Variants in PTGFRN observed in about 807,000 individuals in gnomAD.
PTGFRN encodes the protein prostaglandin F2 receptor negative regulator.
Under a neutral mutation model 83.2 loss-of-function variants are expected in PTGFRN, and 35 were observed. The ratio of observed to expected loss-of-function variants is 0.42; its 90% CI spans 0.32 to 0.56. The LOEUF (loss-of-function observed/expected upper bound fraction) is 0.56, where lower values mean the gene tolerates loss of function less well. PTGFRN is among the 20% of genes least tolerant of loss of function. The probability of loss-of-function intolerance (pLI) is 0.11; values close to 1 mark genes in which losing one functional copy is unlikely to be tolerated. For missense variants in PTGFRN, 1,051 were observed against 1,179.5 expected (o/e 0.89, Z 1.60); for synonymous variants, 519 against 498.6 (o/e 1.04, Z -0.55).
intron 6 of PTGFRN, among the ~76,000 whole-genome samples, chr1:116,970,060 C>G (rs367645611): frequency 6.6e-6 from 1 of 152,148 alleles, no homozygotes; most frequent in East Asian, 1.9e-4. Context: ...AGTTTTACTT[C>G]TCTCTTCCAA....
intron 5 of PTGFRN, among the ~76,000 whole-genome samples, chr1:116,964,027 G>A (rs973084927): frequency 6.6e-6 from 1 of 151,858 alleles, no homozygotes; most frequent in Non-Finnish European, 1.5e-5. Flanking sequence ...CGATCCTCCT[G>A]CCTTAGTCGC....
In PTGFRN at chr1:116,934,149, GT is replaced by G. The variant is rs539073564; in HGVS notation, c.50-7562del. Among the ~76,000 whole-genome samples, 646 of 151,852 alleles carry G rather than the reference GT, an allele frequency of 4.3e-3. 7 individuals are homozygous for G. Among genetic ancestry groups the G allele is most frequent in the African/African-American group, 0.015 (621 of 41,446 alleles). ...TTTATTTTGTTTTGTTTTTGTGATT[GT>G]TTTGTTTTTTTTTGAGACAGGGTCT... On this transcript the variant is annotated intron_variant, in intron 1 of 8. Coordinates refer to ENST00000393203, the MANE Select transcript of PTGFRN (RefSeq NM_020440.4).
chr1:116,949,813 T>C (rs919147756), intron 4 of PTGFRN, among the ~76,000 whole-genome samples: 3 of 152,212 alleles, frequency 2.0e-5, no homozygotes, highest in Non-Finnish European at 4.4e-5. Context: ...GAGTATATAG[T>C]TTCCTTTTGT....
At chr1:116,920,895 A>G (rs1649518914) in intron 1 of PTGFRN, among the ~76,000 whole-genome samples, 1 of 152,194 alleles carries the variant, frequency 6.6e-6, no homozygotes, top group African/African-American at 2.4e-5. Context: ...AAGTGCTGGG[A>G]TTACAGGTGT....
intron 7 of PTGFRN, among the ~76,000 whole-genome samples, chr1:116,974,660 A>G (rs1458307087): frequency 6.6e-6 from 1 of 152,130 alleles, no homozygotes; most frequent in Admixed American, 6.5e-5. Context: ...ATTCATTCAG[A>G]TATTTATTGA....
intron 4 of PTGFRN, among the ~76,000 whole-genome samples, chr1:116,955,788 C>T (rs10923180): frequency 0.58 from 88,401 of 152,022 alleles, 26,346 homozygotes; most frequent in Admixed American, 0.67. Context: ...ATCAAGGTGG[C>T]AGTCCCTGGC....
At chr1:116,943,505 A>C (rs1650109847) in intron 2 of PTGFRN, among the ~76,000 whole-genome samples, 1 of 152,180 alleles carries the variant, frequency 6.6e-6, no homozygotes, top group Non-Finnish European at 1.5e-5. Flanking sequence ...TTCTTGGGTG[A>C]GGAAAGCAAT....
chr1:116,972,662 C>A (rs12026724), intron 6 of PTGFRN, among the ~76,000 whole-genome samples: 7,239 of 152,232 alleles, frequency 0.048, 592 homozygotes, highest in East Asian at 0.41. Context: ...GCACCTAGGG[C>A]CTTCAATCGT....
chr1:116,959,933 A>T (rs1650600659), intron 4 of PTGFRN, among the ~76,000 whole-genome samples: 1 of 152,020 alleles, frequency 6.6e-6, no homozygotes, highest in Admixed American at 6.6e-5. Context: ...AGATCGCGCC[A>T]CTGCACTCCA....
Position 116,910,076 on chromosome 1 carries a change from A to G in PTGFRN, c.-128A>G, listed in dbSNP as rs1457081476. The G allele has an allele frequency of 5.9e-6, 6 of 1,016,940 alleles. No individual in the cohort carries two copies. The highest frequency in any genetic ancestry group is 3.0e-4 in the Middle Eastern group (1 of 3,322). The allele number at this position is 1,016,940 out of a possible 1,614,324, so 63.0% of individuals were successfully genotyped here. On this transcript the variant is annotated 5_prime_UTR_variant, in exon 1 of 9. Transcript: ENST00000393203. ...CGCTGGGATTTATCGGCTCGCGAGG[A>G]GAGCGGAGCAGGCGCGCGGCCCAGG...
intron 5 of PTGFRN, among the ~76,000 whole-genome samples, chr1:116,965,103 C>A (rs796334620): frequency 8.9e-4 from 135 of 152,196 alleles, no homozygotes; most frequent in African/African-American, 3.2e-3. Context: ...TCACCTAGCA[C>A]CCTCCCCAGC....
intron 1 of PTGFRN, among the ~76,000 whole-genome samples, chr1:116,914,495 A>C (rs1371978575): frequency 1.3e-5 from 2 of 152,218 alleles, no homozygotes; most frequent in Non-Finnish European, 2.9e-5. Context: ...TCATGCCTGC[A>C]ATCCCAGCAC....
At chr1:116,975,433 G>T (rs534250292) in intron 7 of PTGFRN, among the ~76,000 whole-genome samples, 1 of 152,312 alleles carries the variant, frequency 6.6e-6, no homozygotes, top group South Asian at 2.1e-4. Flanking sequence ...CTCCCCAAGT[G>T]GGTCCCTGAC....
At chr1:116,980,158 A>G (rs2101089778) in intron 7 of PTGFRN, among the ~76,000 whole-genome samples, 1 of 151,724 alleles carries the variant, frequency 6.6e-6, no homozygotes, top group South Asian at 2.1e-4. Flanking sequence ...TCAAAACCAC[A>G]ATGCAACACC....
At chr1:116,977,818 A>G (rs972040517) in intron 7 of PTGFRN, among the ~76,000 whole-genome samples, 18 of 152,256 alleles carry the variant, frequency 1.2e-4, no homozygotes, top group Non-Finnish European at 2.4e-4. Flanking sequence ...AGAACTAGGG[A>G]AGCAAGAGCA....
intron 2 of PTGFRN, among the ~76,000 whole-genome samples, chr1:116,943,274 T>G (rs1650104605): frequency 6.6e-6 from 1 of 152,128 alleles, no homozygotes; most frequent in Admixed American, 6.5e-5. Context: ...TATAGAAAAT[T>G]CAGAACATGT....
rs1366880069 is a variant in PTGFRN, at chr1:116,990,050, T to G, written c.*3083T>G. Reference sequence around the variant, plus strand: ...CTTGCTACTTTCAGAAAACTTTTTTTTAGCTTCACCGATGACAACAGAGGA... The same window carrying G: ...CTTGCTACTTTCAGAAAACTTTTTTGTAGCTTCACCGATGACAACAGAGGA... On this transcript the variant is annotated 3_prime_UTR_variant, in exon 9 of 9. Coordinates refer to ENST00000393203, the MANE Select transcript of PTGFRN (RefSeq NM_020440.4). 1 of 152,668 alleles carries G rather than the reference T, an allele frequency of 6.6e-6. No individual in the cohort carries two copies. The allele number at this position is 152,668 out of a possible 1,614,324, so 9.5% of individuals were successfully genotyped here.
chr1:116,911,082 A>G (rs950293191), intron 1 of PTGFRN, among the ~76,000 whole-genome samples: 2 of 142,414 alleles, frequency 1.4e-5, no homozygotes, highest in African/African-American at 5.3e-5. Context: ...TTCACTCCAT[A>G]CACAGACACC....
Position 116,910,135 on chromosome 1 carries a change from G to A in PTGFRN, c.-69G>A. On this transcript the variant is annotated 5_prime_UTR_variant, in exon 1 of 9. Transcript: ENST00000393203. ...CGCCGACTCTGGAGCAGCCGGAGCT[G>A]GAAGAGGAGGAGGAGGAGAGGCGGC... 6.7e-7 allele frequency: 1 copy of A among 1,482,152 alleles called. No homozygotes were observed. The highest frequency in any genetic ancestry group is 9.0e-7 in the Non-Finnish European group (1 of 1,106,028). The allele number at this position is 1,482,152 out of a possible 1,614,324, so 91.8% of individuals were successfully genotyped here. A position where few individuals can be genotyped will look rare whatever the true frequency, so the allele number is the denominator to read the frequency against.
Sources: allele counts gnomAD v4.1 joint callset (sites outside exome capture counted in the v4.1 genomes callset), GRCh38; gene constraint gnomAD v4.1.1; transcripts MANE v1.5; gene names NCBI Gene and HGNC (gene_info 2026-07-23, HGNC 2026-07-21).